ITGB6: variants seen among roughly 807,000 people sequenced by gnomAD.
ITGB6 encodes the protein integrin beta-6.
In ITGB6, 80 loss-of-function variants were observed where a neutral mutation model predicts 84.5. That is an observed-to-expected ratio of 0.95 (90% CI 0.79 to 1.14). ITGB6 has a LOEUF of 1.14. ITGB6 is among the 50% of genes most tolerant of loss of function. The probability of loss-of-function intolerance (pLI) is 0.00; values close to 1 mark genes in which losing one functional copy is unlikely to be tolerated. For synonymous variants in ITGB6, 383 were observed against 354.9 expected, an observed-to-expected ratio of 1.08 and a Z score of -0.89; for missense variants, 1,006 against 968.0, an observed-to-expected ratio of 1.04 and a Z score of -0.52.
At chr2:160,149,838 A>G (rs900670948) in intron 7 of ITGB6, among the ~76,000 whole-genome samples, 1 of 152,226 alleles carries the variant, frequency 6.6e-6, no homozygotes, top group Non-Finnish European at 1.5e-5. Flanking sequence ...GGTTCAATCA[A>G]GTGGAAGAAA....
At chr2:160,117,220 A>G (rs1288297258) in intron 12 of ITGB6, among the ~76,000 whole-genome samples, 6 of 152,274 alleles carry the variant, frequency 3.9e-5, no homozygotes, top group African/African-American at 1.4e-4. Context: ...CATTTTTTTC[A>G]GCACCACACC....
chr2:160,195,269 A>C, intron 4 of ITGB6, 100 bp downstream of exon 4: 1 of 1,451,958 alleles, frequency 6.9e-7, no homozygotes, highest in Non-Finnish European at 9.5e-7. Flanking sequence ...CAAGGCAGAA[A>C]TGCCAGGGAG....
intron 10 of ITGB6, among the ~76,000 whole-genome samples, chr2:160,128,170 A>C (rs1422074192): frequency 1.3e-5 from 2 of 152,198 alleles, no homozygotes; most frequent in Non-Finnish European, 2.9e-5. Context: ...TACTACTACT[A>C]ATAAATATAC....
At chr2:160,185,976 T>C (rs1685879771) in intron 4 of ITGB6, among the ~76,000 whole-genome samples, 1 of 152,098 alleles carries the variant, frequency 6.6e-6, no homozygotes, top group Non-Finnish European at 1.5e-5. Flanking sequence ...TAACTCAAGA[T>C]GGATTAAAGA....
chr2:160,185,870 G>A (rs1022800648), intron 4 of ITGB6, among the ~76,000 whole-genome samples: 59 of 152,184 alleles, frequency 3.9e-4, no homozygotes, highest in African/African-American at 1.4e-3. Flanking sequence ...AAGCAATGGG[G>A]AAAGGATTCC....
At chr2:160,107,028 A>G (rs1424513556) in intron 14 of ITGB6, among the ~76,000 whole-genome samples, 1 of 152,232 alleles carries the variant, frequency 6.6e-6, no homozygotes, top group African/African-American at 2.4e-5. Context: ...GAAAAGAAAC[A>G]CAGAAAACTA....
chr2:160,129,522 C>T (rs548244838), intron 10 of ITGB6, among the ~76,000 whole-genome samples: 6 of 151,980 alleles, frequency 3.9e-5, no homozygotes, highest in Non-Finnish European at 7.4e-5. Flanking sequence ...CATAAATAAG[C>T]ACTATACAAG....
chr2:160,133,251 G>C (rs1035149595), intron 10 of ITGB6, among the ~76,000 whole-genome samples: 3 of 152,082 alleles, frequency 2.0e-5, no homozygotes, highest in African/African-American at 4.8e-5. Context: ...AAAAAAGGCA[G>C]GGGTTGCAAT....
At chr2:160,175,078 AG>A (rs1300963765) in intron 4 of ITGB6, among the ~76,000 whole-genome samples, 6 of 152,212 alleles carry the variant, frequency 3.9e-5, no homozygotes, top group African/African-American at 1.2e-4. Flanking sequence ...AGAGACAAAA[AG>A]GCATAGCGCC....
Position 160,117,105 on chromosome 2 carries a change from C to T in ITGB6, c.1982-4906G>A, listed in dbSNP as rs373256125. ...CCACTGTCAACATTAGACAGATCAA[C>T]GAGACAGAAAGTTAACAAGGATACC... is the stretch of plus-strand genomic sequence containing the variant. On this transcript the variant is annotated intron_variant, in intron 12 of 14. Transcript: ENST00000283249. 3.3e-5 allele frequency among the ~76,000 whole-genome samples: 5 copies of T among 151,474 alleles called. No individual in the cohort carries two copies. The East Asian group carries it at 5.8e-4, about 18-fold the overall frequency.
chr2:160,159,540 T>A (rs1684744395), intron 7 of ITGB6, among the ~76,000 whole-genome samples: 1 of 152,198 alleles, frequency 6.6e-6, no homozygotes, highest in Non-Finnish European at 1.5e-5. Context: ...CCCTGCTTAC[T>A]TCCCACTGCC....
At chr2:160,139,995 C>T (rs1683934438) in intron 8 of ITGB6, among the ~76,000 whole-genome samples, 1 of 152,120 alleles carries the variant, frequency 6.6e-6, no homozygotes. Context: ...AAGTTATAAA[C>T]ACAAATTGTC....
intron 2 of ITGB6, among the ~76,000 whole-genome samples, chr2:160,197,260 C>A (rs773159280): frequency 6.6e-6 from 1 of 152,114 alleles, no homozygotes; most frequent in East Asian, 1.9e-4. Flanking sequence ...CATGCCACTG[C>A]ACTCTAGCCT....
chr2:160,119,635 G>A (rs923785200), intron 12 of ITGB6, among the ~76,000 whole-genome samples: 5 of 152,112 alleles, frequency 3.3e-5, no homozygotes, highest in African/African-American at 1.2e-4. Context: ...AACACCAAAA[G>A]CAATGGCAAC....
At chr2:160,173,321 C>T (rs1286947033) in intron 5 of ITGB6, among the ~76,000 whole-genome samples, 1 of 152,134 alleles carries the variant, frequency 6.6e-6, no homozygotes, top group Non-Finnish European at 1.5e-5. Context: ...TAATATTAGT[C>T]CAGGAACTAA....
At chr2:160,113,090 C>G (rs1040342837) in intron 12 of ITGB6, among the ~76,000 whole-genome samples, 8 of 152,124 alleles carry the variant, frequency 5.3e-5, no homozygotes, top group African/African-American at 1.9e-4. Flanking sequence ...TTTCAGAAAC[C>G]TGTAAGTAGA....
chr2:160,153,817 C>A (rs368367921), intron 7 of ITGB6, among the ~76,000 whole-genome samples: 4 of 152,076 alleles, frequency 2.6e-5, no homozygotes, highest in Non-Finnish European at 5.9e-5. Context: ...ATGCAGCCAA[C>A]AGACACATGA....
At position 160,157,748 on chromosome 2, in the gene ITGB6, CAAAAA is replaced by C. The variant is rs11364475; in HGVS notation, c.1017+11459_1017+11463del. Among the ~76,000 whole-genome samples, 16 of 84,162 alleles carry C rather than the reference CAAAAA, an allele frequency of 1.9e-4. No homozygotes were observed. The East Asian group carries it at 4.1e-3, about 22-fold the overall frequency. The allele number at this position is 84,162 out of a possible 152,430, so 55.2% of individuals were successfully genotyped here. ...GTAGGAAGTAGCAAAAGCACAGAGG[CAAAAA>C]AAAAAAAAAAAAAAAAATCCTAGGG... On this transcript the variant is annotated intron_variant, in intron 7 of 14. Transcript: ENST00000283249.
chr2:160,163,594 T>C (rs1684897368), intron 7 of ITGB6, among the ~76,000 whole-genome samples: 1 of 150,986 alleles, frequency 6.6e-6, no homozygotes, highest in Admixed American at 6.6e-5. Context: ...ATTGTGCCAC[T>C]GCACTTTAGC....
Sources: allele counts gnomAD v4.1 joint callset (sites outside exome capture counted in the v4.1 genomes callset), GRCh38; gene constraint gnomAD v4.1.1; transcripts MANE v1.5; gene names NCBI Gene and HGNC (gene_info 2026-07-23, HGNC 2026-07-21).